NRG3: variants seen among roughly 807,000 people sequenced by gnomAD.
NRG3 encodes the protein neuregulin 3.
A neutral mutation model predicts 66.9 loss-of-function variants in NRG3; 31 were observed. That is an observed-to-expected ratio of 0.46 (90% confidence interval 0.35 to 0.63). The LOEUF (loss-of-function observed/expected upper bound fraction) is 0.63. Ranked by LOEUF, NRG3 falls within the 20% of genes least tolerant of loss-of-function variation. The probability of loss-of-function intolerance (pLI) is 0.00; values close to 1 mark genes in which losing one functional copy is unlikely to be tolerated. For synonymous variants in NRG3, 393 were observed against 359.4 expected, an observed-to-expected ratio of 1.09 and a Z score of -1.06; for missense variants, 910 against 878.9, an observed-to-expected ratio of 1.04 and a Z score of -0.45.
chr10:82,063,824 G>A (rs1046398517), intron 1 of NRG3, among the ~76,000 whole-genome samples: 2 of 152,258 alleles, frequency 1.3e-5, no homozygotes, highest in South Asian at 2.1e-4. Flanking sequence ...TCCCACCATC[G>A]TTTGATCTAT....
intron 1 of NRG3, among the ~76,000 whole-genome samples, chr10:81,931,531 C>T (rs1180985953): frequency 2.6e-5 from 4 of 152,080 alleles, no homozygotes; most frequent in African/African-American, 9.7e-5. Flanking sequence ...GGGTTGTGGT[C>T]CCTCTCTCTC....
intron 3 of NRG3, among the ~76,000 whole-genome samples, chr10:82,852,840 T>TAGAGG (rs1336703104): frequency 3.3e-5 from 5 of 152,258 alleles, no homozygotes; most frequent in Admixed American, 1.3e-4. Flanking sequence ...TTACCAAGAC[T>TAGAGG]AGAGGAGAAG....
chr10:82,597,269 G>A (rs2047341914), intron 2 of NRG3, among the ~76,000 whole-genome samples: 1 of 152,164 alleles, frequency 6.6e-6, no homozygotes, highest in Non-Finnish European at 1.5e-5. Flanking sequence ...CATGAGGTTA[G>A]CGTGAGAGGA....
intron 3 of NRG3, among the ~76,000 whole-genome samples, chr10:82,852,046 G>A (rs531803970): frequency 6.6e-6 from 1 of 152,298 alleles, no homozygotes; most frequent in South Asian, 2.1e-4. Flanking sequence ...CTGCATATGA[G>A]CAAGGCGGGA....
intron 1 of NRG3, among the ~76,000 whole-genome samples, chr10:82,152,046 A>G (rs559182597): frequency 8.5e-5 from 13 of 152,318 alleles, no homozygotes; most frequent in African/African-American, 2.9e-4. Context: ...GGTGTTGGCA[A>G]ACTTTTTCTG....
chr10:81,912,664 T>C (rs954893361), intron 1 of NRG3, among the ~76,000 whole-genome samples: 2 of 152,160 alleles, frequency 1.3e-5, no homozygotes, highest in African/African-American at 4.8e-5. Flanking sequence ...GAATGACATT[T>C]ATGGTGAGAT....
intron 2 of NRG3, among the ~76,000 whole-genome samples, chr10:82,413,722 T>G (rs1052368669): frequency 6.6e-6 from 1 of 152,188 alleles, no homozygotes; most frequent in African/African-American, 2.4e-5. Flanking sequence ...CTTAGCTAGA[T>G]CTTCTTGATT....
intron 2 of NRG3, among the ~76,000 whole-genome samples, chr10:82,729,024 G>A (rs2057758837): frequency 6.6e-6 from 1 of 152,058 alleles, no homozygotes; most frequent in South Asian, 2.1e-4. Context: ...GGTACACAGA[G>A]CATGTACTAA....
intron 2 of NRG3, among the ~76,000 whole-genome samples, chr10:82,471,282 C>T (rs1244638329): frequency 6.6e-6 from 1 of 152,116 alleles, no homozygotes; most frequent in East Asian, 1.9e-4. Flanking sequence ...AGGCGCCTCT[C>T]CCCTACAAAC....
intron 1 of NRG3, among the ~76,000 whole-genome samples, chr10:82,176,843 T>G (rs559016486): frequency 4.5e-4 from 68 of 150,754 alleles, no homozygotes; most frequent in Admixed American, 1.5e-3. Context: ...AGGAGATGCA[T>G]GGATTTGACA....
chr10:82,288,128 G>A (rs1280513635), intron 1 of NRG3, among the ~76,000 whole-genome samples: 2 of 152,126 alleles, frequency 1.3e-5, no homozygotes, highest in Non-Finnish European at 2.9e-5. Context: ...TTTGATGAAT[G>A]TGAATTTCTC....
At chr10:82,127,170 G>C (rs1054641356) in intron 1 of NRG3, among the ~76,000 whole-genome samples, 2 of 152,134 alleles carry the variant, frequency 1.3e-5, no homozygotes, top group Non-Finnish European at 2.9e-5. Flanking sequence ...GGCAGCTTAA[G>C]TTCTGGACAG....
Position 82,985,311 on chromosome 10 carries a change from A to C in NRG3, c.1797A>C (p.Lys599Asn). ...MPGISEVKSI[K>N]WCKNSYSADV... ...GGATTTCTGAAGTCAAAAGCATCAA[A>C]TGGTGCAAAAACTCCTATTCAGCTG... Residue 599 changes from lysine (K) to asparagine (N), a missense_variant, in exon 9 of 9, where the codon AAA (lysine) becomes AAC (asparagine). Physicochemically the swap from Lys to Asn is moderately conservative, Grantham distance 94 (BLOSUM62 0). Coordinates refer to ENST00000372141, the MANE Select transcript of NRG3 (RefSeq NM_001010848.4). The C allele has an allele frequency of 6.2e-7, 1 of 1,614,152 alleles. No individual in the cohort carries two copies. Among genetic ancestry groups the C allele is most frequent in the Non-Finnish European group, 8.5e-7 (1 of 1,180,006 alleles).
chr10:82,123,638 T>C (rs760022966), intron 1 of NRG3, among the ~76,000 whole-genome samples: 7 of 152,202 alleles, frequency 4.6e-5, no homozygotes, highest in Non-Finnish European at 1.0e-4. Context: ...AAACTAGGAT[T>C]GAAGAATTCA....
At chr10:82,556,822 C>T (rs2044681941) in intron 2 of NRG3, among the ~76,000 whole-genome samples, 1 of 152,030 alleles carries the variant, frequency 6.6e-6, no homozygotes, top group Non-Finnish European at 1.5e-5. Flanking sequence ...ATCCCAGTGT[C>T]TGTTTTTTCC....
chr10:82,116,435 T>C (rs2067722722), intron 1 of NRG3, among the ~76,000 whole-genome samples: 1 of 152,152 alleles, frequency 6.6e-6, no homozygotes, highest in African/African-American at 2.4e-5. Flanking sequence ...TGTATCAACA[T>C]TTAATTTAGA....
intron 6 of NRG3, among the ~76,000 whole-genome samples, chr10:82,970,822 T>C (rs1851654748): frequency 6.6e-6 from 1 of 152,198 alleles, no homozygotes; most frequent in East Asian, 1.9e-4. Context: ...TCCCATATAG[T>C]TTTATAAAGG....
intron 3 of NRG3, among the ~76,000 whole-genome samples, chr10:82,853,934 T>C: frequency 6.6e-6 from 1 of 152,190 alleles, no homozygotes; most frequent in Admixed American, 6.5e-5. Flanking sequence ...GGCTGTAGGT[T>C]TGCCATAGAT....
chr10:81,913,871 C>G (rs1457551480), intron 1 of NRG3, among the ~76,000 whole-genome samples: 1 of 152,062 alleles, frequency 6.6e-6, no homozygotes, highest in Non-Finnish European at 1.5e-5. Context: ...AAAATTGAAA[C>G]ATACTTTAAA....
Sources: gnomAD v4.1 joint callset for allele counts (sites outside exome capture counted in the v4.1 genomes callset) on GRCh38, gnomAD v4.1.1 for gene constraint, MANE v1.5 for transcripts, NCBI Gene and HGNC (gene_info 2026-07-23, HGNC 2026-07-21) for gene names.